OTOG: variants seen among roughly 807,000 people sequenced by gnomAD.
OTOG encodes the protein otogelin.
In OTOG, 296 loss-of-function variants were observed where a neutral mutation model predicts 313.8. The observed-to-expected ratio is 0.94, with a 90% CI of 0.86 to 1.04. OTOG has a LOEUF of 1.04. OTOG is among the 50% of genes least tolerant of loss of function. The pLI, the probability that OTOG is intolerant of heterozygous loss-of-function variation, is 0.00. For synonymous variants in OTOG, 1,533 were observed against 1,554.9 expected, an observed-to-expected ratio of 0.99 and a Z score of 0.33; for missense variants, 3,948 against 3,840.1, an observed-to-expected ratio of 1.03 and a Z score of -0.74.
chr11:17,557,399 G>A (rs1407846333), intron 8 of OTOG, 76 bp downstream of exon 8: 3 of 1,425,010 alleles, frequency 2.1e-6, no homozygotes, highest in African/African-American at 2.8e-5. Context: ...GGGTTGGAGG[G>A]GACTTGGAAC....
At chr11:17,634,823 C>T (rs1590057810) in intron 44 of OTOG, 21 bp from the exon 45 acceptor site, 1 of 1,541,686 alleles carries the variant, frequency 6.5e-7, no homozygotes. Flanking sequence ...AGGTGACAGG[C>T]CCTGTGGTCC....
At chr11:17,626,055 A>T (rs1214768041) in intron 39 of OTOG, among the ~76,000 whole-genome samples, 1 of 152,212 alleles carries the variant, frequency 6.6e-6, no homozygotes, top group Non-Finnish European at 1.5e-5. Context: ...TATTGAAAAG[A>T]CTGTCTTTTC....
chr11:17,550,404 A>T (rs1851907418), intron 3 of OTOG, among the ~76,000 whole-genome samples: 1 of 152,228 alleles, frequency 6.6e-6, no homozygotes, highest in Admixed American at 6.5e-5. Context: ...TGTTTTTAAA[A>T]ACATTATTCT....
intron 20 of OTOG, among the ~76,000 whole-genome samples, chr11:17,575,119 T>C (rs1590013228): frequency 1.3e-5 from 2 of 152,232 alleles, no homozygotes; most frequent in East Asian, 3.8e-4. Context: ...TTTGGGCCAT[T>C]ATAGCAGCTT....
chr11:17,553,347 C>T lies in OTOG; in HGVS notation c.386-18C>T. The T allele has an allele frequency of 6.8e-7, 1 of 1,469,410 alleles. No homozygotes were observed. The highest frequency in any genetic ancestry group is 9.0e-7 in the Non-Finnish European group (1 of 1,106,620). The allele number at this position is 1,469,410 out of a possible 1,614,324, so 91.0% of individuals were successfully genotyped here. ...CCCACTGTAGCTACACAGAGAGGTTCTCTTTTCTCTCCCTCAGTGTACAAT... is the reference window on the plus strand; with the variant it reads ...CCCACTGTAGCTACACAGAGAGGTTTTCTTTTCTCTCCCTCAGTGTACAAT... On this transcript the variant is annotated intron_variant, in intron 5 of 55. Transcript: ENST00000399397.
chr11:17,618,122 C>T (rs1055801788), intron 39 of OTOG, among the ~76,000 whole-genome samples: 9 of 152,084 alleles, frequency 5.9e-5, no homozygotes, highest in East Asian at 3.9e-4. Context: ...AGGATGGTCG[C>T]GATCTCCTGA....
At chr11:17,639,376 C>T (rs1190656152) in intron 48 of OTOG, 47 bp from the exon 49 acceptor site, 2 of 1,545,224 alleles carry the variant, frequency 1.3e-6, no homozygotes, top group Non-Finnish European at 1.8e-6. Context: ...GGGATTCCTA[C>T]CTGGACATCC....
At chr11:17,562,080 T>A in intron 15 of OTOG, among the ~76,000 whole-genome samples, 1 of 146,876 alleles carries the variant, frequency 6.8e-6, no homozygotes, top group Middle Eastern at 3.3e-3. Flanking sequence ...TATGTATGTA[T>A]ATGAAAGTGT....
chr11:17,550,394 T>C (rs769476518), intron 3 of OTOG, among the ~76,000 whole-genome samples: 7 of 152,262 alleles, frequency 4.6e-5, no homozygotes, highest in African/African-American at 2.4e-5. Flanking sequence ...CTTTATTTTA[T>C]GTTTTTAAAA....
intron 39 of OTOG, among the ~76,000 whole-genome samples, chr11:17,626,347 T>A (rs1309434267): frequency 1.3e-5 from 2 of 152,174 alleles, no homozygotes; most frequent in African/African-American, 4.8e-5. Context: ...GGCTAATTTT[T>A]GTGTTTTCAG....
chr11:17,559,766 G>A, intron 12 of OTOG, 104 bp downstream of exon 12: 1 of 898,872 alleles, frequency 1.1e-6, no homozygotes. Flanking sequence ...AAGGAAGGAA[G>A]GAAAGGAGGG....
intron 54 of OTOG, 52 bp from the exon 55 acceptor site, chr11:17,645,512 C>A: frequency 6.5e-7 from 1 of 1,527,660 alleles, no homozygotes; most frequent in South Asian, 1.2e-5. Context: ...ATCCTGCTGC[C>A]CCGAAGAAGC....
At chr11:17,578,161 TGG>T in intron 22 of OTOG, 1 of 1,090,500 alleles carries the variant, frequency 9.2e-7, no homozygotes. Flanking sequence ...AGATGGGTCC[TGG>T]TGGCCGCAGT....
intron 3 of OTOG, among the ~76,000 whole-genome samples, chr11:17,549,863 G>T (rs988955697): frequency 6.6e-6 from 1 of 152,076 alleles, no homozygotes; most frequent in African/African-American, 2.4e-5. Flanking sequence ...GGGGGTGGGG[G>T]ACTGAGGCTC....
chr11:17,572,968 C>CGT (rs1296158082), intron 18 of OTOG, 110 bp from the exon 19 acceptor site: 1 of 1,018,830 alleles, frequency 9.8e-7, no homozygotes, highest in Middle Eastern at 2.3e-4. Flanking sequence ...ATCCGTACAG[C>CGT]GTGTGCACAC....
At chr11:17,561,197 C>A in intron 14 of OTOG, 60 bp downstream of exon 14, 1 of 1,535,574 alleles carries the variant, frequency 6.5e-7, no homozygotes, top group Non-Finnish European at 8.8e-7. Context: ...GGTTTTGGGG[C>A]AAGGAATCTC....
chr11:17,549,796 C>A (rs975823170), intron 3 of OTOG, among the ~76,000 whole-genome samples: 1 of 152,078 alleles, frequency 6.6e-6, no homozygotes, highest in African/African-American at 2.4e-5. Context: ...GTTTCTCACG[C>A]TGCTCCTCAG....
intron 22 of OTOG, among the ~76,000 whole-genome samples, chr11:17,577,382 GAT>G (rs74463487): frequency 0.3 from 45,333 of 151,630 alleles, 7,810 homozygotes; most frequent in Non-Finnish European, 0.4. Flanking sequence ...GTGGTCGTGG[GAT>G]GGGGGTCAAC....
intron 40 of OTOG, among the ~76,000 whole-genome samples, chr11:17,630,707 G>A (rs995188310): frequency 6.6e-6 from 1 of 152,178 alleles, no homozygotes; most frequent in Non-Finnish European, 1.5e-5. Context: ...ACAGACTTTG[G>A]AATGTCATGG....
Sources: allele counts gnomAD v4.1 joint callset (sites outside exome capture counted in the v4.1 genomes callset), GRCh38; gene constraint gnomAD v4.1.1; transcripts MANE v1.5; gene names NCBI Gene and HGNC (gene_info 2026-07-23, HGNC 2026-07-21).